The following SPRYD4 variants were observed in gnomAD, a reference collection of about 807,000 sequenced individuals.
SPRYD4 encodes SPRY domain containing 4.
Under a neutral mutation model 16.6 loss-of-function variants are expected in SPRYD4, and 12 were observed. That is an observed-to-expected ratio of 0.72 (90% CI 0.46 to 1.17). SPRYD4 has a LOEUF of 1.17. SPRYD4 is among the 50% of genes most tolerant of loss of function. SPRYD4 has a pLI of 0.00. For synonymous variants in SPRYD4, 98 were observed against 105.4 expected, an observed-to-expected ratio of 0.93 and a Z score of 0.43; for missense variants, 260 against 260.2, an observed-to-expected ratio of 1.00 and a Z score of 0.00.
In SPRYD4 at chr12:56,479,667, TA is replaced by T; in HGVS notation, c.*10094del. 8.2e-7 allele frequency: 1 copy of T among 1,225,880 alleles called. No individual in the cohort carries two copies. The highest frequency in any genetic ancestry group is 1.1e-6 in the Non-Finnish European group (1 of 924,998). 75.9% of individuals were successfully genotyped at this position (1,225,880 alleles called of 1,614,324 possible). ...CATGTATAACTTATGTAATAAGTAATAAAATAAAATGAGGAATTGAACTATA... is the reference window on the plus strand; with the variant it reads ...CATGTATAACTTATGTAATAAGTAATAAATAAAATGAGGAATTGAACTATA... On this transcript the variant is annotated 3_prime_UTR_variant, in exon 2 of 2. Transcript: ENST00000338146.
Position 56,478,884 on chromosome 12 carries a change from T to C in SPRYD4, c.*9307T>C. ...GGTGTATGCCAGCTACTCGGGAGGC[T>C]GAGACAGGAGAATCGCTTGAACCTG... is the stretch of plus-strand genomic sequence containing the variant. On this transcript the variant is annotated 3_prime_UTR_variant, in exon 2 of 2. Transcript: ENST00000338146. 2 of 780,864 alleles carry C rather than the reference T, an allele frequency of 2.6e-6. No homozygotes were observed. The highest frequency in any genetic ancestry group is 4.0e-6 in the Non-Finnish European group (2 of 504,544). The allele number at this position is 780,864 out of a possible 1,614,324, so 48.4% of individuals were successfully genotyped here.
In SPRYD4 at chr12:56,469,167, C is replaced by A. The variant is rs1565698648; in HGVS notation, c.214C>A (p.Arg72=). 1.2e-6 allele frequency: 2 copies of A among 1,614,124 alleles called. No individual in the cohort carries two copies. Among genetic ancestry groups the A allele is most frequent in the Non-Finnish European group, 1.7e-6 (2 of 1,180,020 alleles). ...GGTGGCCTTGAATGTGGAGCGCTTC[C>A]GGGAGTGGGCAGTGGTGCTGGCAGA... ...TKVALNVERF[R]EWAVVLADTA... is the part of the protein sequence containing the mutation. Residue 72 remains arginine, a synonymous_variant, in exon 2 of 2, where the codon CGG becomes AGG. Transcript: ENST00000338146.
chr12:56,472,676 C>T lies in SPRYD4; in HGVS notation c.*3099C>T, dbSNP rs1869397783. 6.2e-7 allele frequency: 1 copy of T among 1,611,840 alleles called. No individual in the cohort carries two copies. Among genetic ancestry groups the T allele is most frequent in the African/African-American group, 1.3e-5 (1 of 74,822 alleles). On this transcript the variant is annotated 3_prime_UTR_variant, in exon 2 of 2. Transcript: ENST00000338146. Reference sequence around the variant, plus strand: ...GAGTATTTTATTGTGTATATTTGGTCACAGTAGCATTACCTTCGAAGAGCT... The same window carrying T: ...GAGTATTTTATTGTGTATATTTGGTTACAGTAGCATTACCTTCGAAGAGCT...
In SPRYD4 at chr12:56,473,090, CGT is replaced by C; in HGVS notation, c.*3516_*3517del. 1.3e-6 allele frequency: 1 copy of C among 756,926 alleles called. No homozygotes were observed. The highest frequency in any genetic ancestry group is 2.2e-6 in the Non-Finnish European group (1 of 464,382). 46.9% of individuals were successfully genotyped at this position (756,926 alleles called of 1,614,324 possible). Reference sequence around the variant, plus strand: ...ATTTTCAATAGAGACCAGGTTTCACCGTGTTAGCCAGGATGGTCTTGATCTCC... The same window carrying C: ...ATTTTCAATAGAGACCAGGTTTCACCGTTAGCCAGGATGGTCTTGATCTCC... On this transcript the variant is annotated 3_prime_UTR_variant, in exon 2 of 2. Transcript: ENST00000338146.
chr12:56,473,005 T>C lies in SPRYD4; in HGVS notation c.*3428T>C. On this transcript the variant is annotated 3_prime_UTR_variant, in exon 2 of 2. Coordinates refer to ENST00000338146, the MANE Select transcript of SPRYD4 (RefSeq NM_207344.4). The stretch of plus-strand genomic sequence containing the variant: ...CCCGGTTTCAAGCGATTCTCCTGCC[T>C]CAGCCTCCCAAGTAGCTGGGACCAC... The C allele has an allele frequency of 1.8e-6, 1 of 571,030 alleles. No individual in the cohort carries two copies. The highest frequency in any genetic ancestry group is 1.9e-5 in the African/African-American group (1 of 52,754). 35.4% of individuals were successfully genotyped at this position (571,030 alleles called of 1,614,324 possible).
chr12:56,471,901 A>G lies in SPRYD4; in HGVS notation c.*2324A>G. On this transcript the variant is annotated 3_prime_UTR_variant, in exon 2 of 2. Transcript: ENST00000338146. ...CTTGAACCCTTTGGTGCAGACACTT[A>G]GCCACTGAAGTCTTTACCAAGAGGG... The G allele has an allele frequency of 2.0e-5, 31 of 1,524,498 alleles. No individual in the cohort carries two copies. The highest frequency in any genetic ancestry group is 2.8e-5 in the Non-Finnish European group (31 of 1,100,294). 94.4% of individuals were successfully genotyped at this position (1,524,498 alleles called of 1,614,324 possible).
Position 56,473,337 on chromosome 12 carries a change from AAT to A in SPRYD4, c.*3765_*3766del. 1 of 1,613,664 alleles carries A rather than the reference AAT, an allele frequency of 6.2e-7. No individual in the cohort carries two copies. Among genetic ancestry groups the A allele is most frequent in the Middle Eastern group, 1.6e-4 (1 of 6,062 alleles). ...CACCAACTTCTAGAATTGTAAGCCA[AAT>A]ATATTGTTTATTTACTCCTTACACT... On this transcript the variant is annotated 3_prime_UTR_variant, in exon 2 of 2. Coordinates refer to ENST00000338146, the MANE Select transcript of SPRYD4 (RefSeq NM_207344.4).
Position 56,477,878 on chromosome 12 carries a change from G to C in SPRYD4, c.*8301G>C, listed in dbSNP as rs1347779488. On this transcript the variant is annotated 3_prime_UTR_variant, in exon 2 of 2. Coordinates refer to ENST00000338146, the MANE Select transcript of SPRYD4 (RefSeq NM_207344.4). ...ACAAAAAAGGCTGGGAGATGGGGTG[G>C]GGATAAGGAGAAGGGGACAGCTGTA... is the stretch of plus-strand genomic sequence containing the variant. 6.3e-7 allele frequency: 1 copy of C among 1,575,436 alleles called. No individual in the cohort carries two copies. Among genetic ancestry groups the C allele is most frequent in the Non-Finnish European group, 8.6e-7 (1 of 1,157,626 alleles).
chr12:56,478,353 G>A lies in SPRYD4; in HGVS notation c.*8776G>A. The A allele has an allele frequency of 7.2e-7, 1 of 1,383,778 alleles. No individual in the cohort carries two copies. The highest frequency in any genetic ancestry group is 1.0e-6 in the Non-Finnish European group (1 of 988,022). 85.7% of individuals were successfully genotyped at this position (1,383,778 alleles called of 1,614,324 possible). On this transcript the variant is annotated 3_prime_UTR_variant, in exon 2 of 2. Transcript: ENST00000338146. ...GGTCAAGAGAATCTTTTAGATAAAA[G>A]CTAAAATTCTGTCTTCTATAGGGCA... is the stretch of plus-strand genomic sequence containing the variant.
At position 56,468,628 on chromosome 12, in the gene SPRYD4, C is replaced by G; in HGVS notation, c.37C>G (p.Arg13Gly). The change falls in exon 1 of 2, where the codon CGC becomes GGC. Residue 13 changes from arginine to glycine, a missense_variant. Arg to Gly is a moderately radical substitution (Grantham distance 125, BLOSUM62 -2). Coordinates refer to ENST00000338146, the MANE Select transcript of SPRYD4 (RefSeq NM_207344.4). ...LLFARSLRLCRWGAKRLGVAS... is the reference protein window; with the variant it reads ...LLFARSLRLCGWGAKRLGVAS... ...TTTTGCACGTTCTTTGCGCTTGTGC[C>G]GCTGGGGAGCCAAACGATTGGGAGT... is the stretch of plus-strand genomic sequence containing the variant. The G allele has an allele frequency of 6.2e-7, 1 of 1,614,018 alleles. No individual in the cohort carries two copies. The highest frequency in any genetic ancestry group is 8.5e-7 in the Non-Finnish European group (1 of 1,179,996).
At position 56,479,001 on chromosome 12, in the gene SPRYD4, A is replaced by T. The variant is rs1374040530; in HGVS notation, c.*9424A>T. 6.4e-7 allele frequency: 1 copy of T among 1,562,376 alleles called. No individual in the cohort carries two copies. Among genetic ancestry groups the T allele is most frequent in the Admixed American group, 2.1e-5 (1 of 48,248 alleles). Reference sequence around the variant, plus strand: ...TCTGTCTCAGGAAAAAAAAAAAAAAAAAAAATCTGGCCCAGGTCCCTGACC... The same window carrying T: ...TCTGTCTCAGGAAAAAAAAAAAAAATAAAAATCTGGCCCAGGTCCCTGACC... On this transcript the variant is annotated 3_prime_UTR_variant, in exon 2 of 2. Transcript: ENST00000338146.
Position 56,475,762 on chromosome 12 carries a change from G to T in SPRYD4, c.*6185G>T. On this transcript the variant is annotated 3_prime_UTR_variant, in exon 2 of 2. Coordinates refer to ENST00000338146, the MANE Select transcript of SPRYD4 (RefSeq NM_207344.4). ...ACCTCACAGGTTGACTAGCCCTTCT[G>T]AACTCAGGTCTTGTCAAGAGGCTTT... 1 of 1,506,364 alleles carries T rather than the reference G, an allele frequency of 6.6e-7. No individual in the cohort carries two copies. The highest frequency in any genetic ancestry group is 1.1e-5 in the South Asian group (1 of 88,240). 93.3% of individuals were successfully genotyped at this position (1,506,364 alleles called of 1,614,324 possible).
In SPRYD4 at chr12:56,478,197, A is replaced by G. The variant is rs115954738; in HGVS notation, c.*8620A>G. ...CAGCATCTCACCGTTGACCATCCAC[A>G]GTGCACAGGGAGACACCCCACAGGT... On this transcript the variant is annotated 3_prime_UTR_variant, in exon 2 of 2. Coordinates refer to ENST00000338146, the MANE Select transcript of SPRYD4 (RefSeq NM_207344.4). 4.4e-5 allele frequency: 71 copies of G among 1,614,192 alleles called. No individual in the cohort carries two copies. In the African/African-American group the frequency reaches 7.3e-4, roughly 17 times the overall value.
At position 56,474,092 on chromosome 12, in the gene SPRYD4, C is replaced by CTTTTT. The variant is rs67377312; in HGVS notation, c.*4518_*4522dup. On this transcript the variant is annotated 3_prime_UTR_variant, in exon 2 of 2. Transcript: ENST00000338146. Reference sequence around the variant, plus strand: ...AACACCTCTGGTTGTTTTTCTTTTTCTTTTTTTCTTTTTTTTTGAGATGGA... The same window carrying CTTTTT: ...AACACCTCTGGTTGTTTTTCTTTTTCTTTTTTTTTTTTCTTTTTTTTTGAGATGGA... 3.0e-5 allele frequency: 3 copies of CTTTTT among 98,932 alleles called. No individual in the cohort carries two copies. Among genetic ancestry groups the CTTTTT allele is most frequent in the Non-Finnish European group, 4.4e-5 (2 of 45,382 alleles). The allele number at this position is 98,932 out of a possible 1,614,324, so 6.1% of individuals were successfully genotyped here.
chr12:56,473,621 T>C lies in SPRYD4; in HGVS notation c.*4044T>C, dbSNP rs371156629. On this transcript the variant is annotated 3_prime_UTR_variant, in exon 2 of 2. Transcript: ENST00000338146. ...TGGGGAACAGAACTGAAGCTGAGGATAAAGTGGGTGTGCCCCAAATCAGAA... is the reference window on the plus strand; with the variant it reads ...TGGGGAACAGAACTGAAGCTGAGGACAAAGTGGGTGTGCCCCAAATCAGAA... 270 of 1,591,126 alleles carry C rather than the reference T, an allele frequency of 1.7e-4. No homozygotes were observed. In the African/African-American group the frequency reaches 2.7e-3, roughly 16 times the overall value.
rs1869953719 is a variant in SPRYD4 at position 56,477,783 on chromosome 12, C to G, written c.*8206C>G. 1.3e-6 allele frequency: 2 copies of G among 1,567,348 alleles called. No homozygotes were observed. Among genetic ancestry groups the G allele is most frequent in the Non-Finnish European group, 1.7e-6 (2 of 1,150,002 alleles). ...CAAAGCCTCCCTGACAGCCCGCTCA[C>G]TTTGTGGGTTAGACAAGAAAGACTG... On this transcript the variant is annotated 3_prime_UTR_variant, in exon 2 of 2. Transcript: ENST00000338146.
Position 56,475,845 on chromosome 12 carries a change from G to A in SPRYD4, c.*6268G>A, listed in dbSNP as rs557318390. The A allele has an allele frequency of 1.9e-3, 2,663 of 1,423,766 alleles. 17 individuals carry two copies. Among genetic ancestry groups the A allele is most frequent in the South Asian group, 8.0e-3 (695 of 86,754 alleles). The allele number at this position is 1,423,766 out of a possible 1,614,324, so 88.2% of individuals were successfully genotyped here. On this transcript the variant is annotated 3_prime_UTR_variant, in exon 2 of 2. Coordinates refer to ENST00000338146, the MANE Select transcript of SPRYD4 (RefSeq NM_207344.4). ...GGAAATAAGGCTTCTAGTATGGGCT[G>A]GTGCACCTGGTAGTGGGGTTAGAGA... is the stretch of plus-strand genomic sequence containing the variant.
At position 56,473,075 on chromosome 12, in the gene SPRYD4, G is replaced by A; in HGVS notation, c.*3498G>A. ...TGGCTAATTTTTTGTATTTTCAATAGAGACCAGGTTTCACCGTGTTAGCCA... is the reference window on the plus strand; with the variant it reads ...TGGCTAATTTTTTGTATTTTCAATAAAGACCAGGTTTCACCGTGTTAGCCA... On this transcript the variant is annotated 3_prime_UTR_variant, in exon 2 of 2. Coordinates refer to ENST00000338146, the MANE Select transcript of SPRYD4 (RefSeq NM_207344.4). 1.4e-6 allele frequency: 1 copy of A among 699,248 alleles called. No individual in the cohort carries two copies. Among genetic ancestry groups the A allele is most frequent in the Admixed American group, 3.0e-5 (1 of 33,594 alleles). The allele number at this position is 699,248 out of a possible 1,614,324, so 43.3% of individuals were successfully genotyped here.
In SPRYD4 at chr12:56,473,254, G is replaced by C. The variant is rs777988460; in HGVS notation, c.*3677G>C. 2.5e-6 allele frequency: 4 copies of C among 1,613,880 alleles called. No homozygotes were observed. The African/African-American group carries it at 5.3e-5, about 22-fold the overall frequency. ...CGAATTTCTGCCCCTTCACGCCGTGGGTCTAACTTCCGAGCACAGTGCCTC... is the reference window on the plus strand; with the variant it reads ...CGAATTTCTGCCCCTTCACGCCGTGCGTCTAACTTCCGAGCACAGTGCCTC... On this transcript the variant is annotated 3_prime_UTR_variant, in exon 2 of 2. Transcript: ENST00000338146.
Sources: gnomAD v4.1 joint callset for allele counts on GRCh38, gnomAD v4.1.1 for gene constraint, MANE v1.5 for transcripts, NCBI Gene and HGNC (gene_info 2026-07-23, HGNC 2026-07-21) for gene names.